Variants in PCNT observed in about 807,000 individuals in gnomAD.
PCNT encodes kendrin.
In PCNT, 319 loss-of-function variants were observed where a neutral mutation model predicts 380.4. The ratio of observed to expected loss-of-function variants is 0.84; its 90% CI spans 0.77 to 0.92. The LOEUF (loss-of-function observed/expected upper bound fraction) is 0.92, where lower values mean the gene tolerates loss of function less well. PCNT is among the 40% of genes least tolerant of loss of function. PCNT has a pLI of 0.00. For missense variants in PCNT, 4,400 were observed against 4,255.3 expected (o/e 1.03, Z -0.95); for synonymous variants, 1,845 against 1,735.2 (o/e 1.06, Z -1.57).
chr21:46,337,200 C>T (rs2083772969), intron 3 of PCNT, among the ~76,000 whole-genome samples: 1 of 152,112 alleles, frequency 6.6e-6, no homozygotes, highest in Admixed American at 6.6e-5. Flanking sequence ...TGGTCTCCAA[C>T]TCCTGACCTC....
In PCNT at chr21:46,411,583, A is replaced by C. The variant is rs1421013687; in HGVS notation, c.5510A>C (p.Glu1837Ala). The change falls in exon 28 of 47, where the codon GAG becomes GCG. Residue 1837 changes from glutamate (E) to alanine (A), a missense_variant. Glu to Ala is a moderately radical substitution (Grantham distance 107, BLOSUM62 -1). Coordinates refer to ENST00000359568, the MANE Select transcript of PCNT (RefSeq NM_006031.6). ...AEEAAELQLA[E>A]LERNVALREA... ...GAGGCTGCGGAGCTACAGCTGGCTG[A>C]GCTGGAGCGCAATGTAGCCCTCAGG... 6.2e-7 allele frequency: 1 copy of C among 1,612,920 alleles called. No individual in the cohort carries two copies. The highest frequency in any genetic ancestry group is 8.5e-7 in the Non-Finnish European group (1 of 1,179,816).
intron 15 of PCNT, among the ~76,000 whole-genome samples, chr21:46,367,453 G>A (rs747767049): frequency 2.6e-5 from 4 of 151,976 alleles, no homozygotes; most frequent in African/African-American, 4.8e-5. Flanking sequence ...GATTATAGGC[G>A]CCTGCCACCA....
At chr21:46,423,725 A>AGG (rs1260993133) in intron 32 of PCNT, among the ~76,000 whole-genome samples, 1 of 3,798 alleles carries the variant, frequency 2.6e-4, no homozygotes, top group African/African-American at 9.7e-4. Context: ...GAGGAAGAGA[A>AGG]GGGGAGGGGG....
At position 46,443,860 on chromosome 21, in the gene PCNT, C is replaced by G. The variant is rs201526605; in HGVS notation, c.9751C>G (p.Pro3251Ala). 1.7e-5 allele frequency: 28 copies of G among 1,613,428 alleles called. No homozygotes were observed. The highest frequency in any genetic ancestry group is 1.0e-4 in the Admixed American group (6 of 60,028). ...TCCACCCAGAACCAGAGAGTCCCCCCCAACCCGGGATGTACCCTCTGGCCA... is the reference window on the plus strand; with the variant it reads ...TCCACCCAGAACCAGAGAGTCCCCCGCAACCCGGGATGTACCCTCTGGCCA... ...QSPPRTRESP[P>A]TRDVPSGHTR... Residue 3251 changes from proline (P) to alanine (A), a missense_variant, in exon 45 of 47, where the codon CCA becomes GCA. By Grantham distance (27) the Pro-to-Ala change is conservative. Coordinates refer to ENST00000359568, the MANE Select transcript of PCNT (RefSeq NM_006031.6).
At chr21:46,389,622 A>G (rs183575831) in intron 19 of PCNT, among the ~76,000 whole-genome samples, 191 bp downstream of exon 19, 3 of 152,372 alleles carry the variant, frequency 2.0e-5, no homozygotes, top group African/African-American at 7.2e-5. Flanking sequence ...TTTAATTTGG[A>G]TAATAAACAG....
chr21:46,425,868 TC>T lies in PCNT; in HGVS notation c.7219del (p.Leu2407TrpfsTer124), dbSNP rs2087472987. The T allele has an allele frequency of 6.2e-7, 1 of 1,613,662 alleles. No individual in the cohort carries two copies. The highest frequency in any genetic ancestry group is 1.7e-5 in the Admixed American group (1 of 60,002). On this transcript the variant is annotated frameshift_variant, in exon 33 of 47. Coordinates refer to ENST00000359568, the MANE Select transcript of PCNT (RefSeq NM_006031.6). LOFTEE classifies it high-confidence loss of function. The surrounding 1 kb of genome is among the most constrained non-coding windows in gnomAD (Gnocchi z 4.2). ...ATGGTGCGTGACGAGAGCCACCAGA[TC>T]CTGGCGCTGTCAGAAGGCCTTGCAC... ...LQMVRDESHQILALSEGLAPP... is the reference protein window; with the variant it reads ...LQMVRDESHQXLALSEGLAPP...
Position 46,419,062 on chromosome 21 carries a change from C to CT in PCNT, c.7024+763dup, listed in dbSNP as rs534225775. On this transcript the variant is annotated intron_variant, in intron 31 of 46. Coordinates refer to ENST00000359568, the MANE Select transcript of PCNT (RefSeq NM_006031.6). ...TGTGGCGGTTACCTGCCACACCGTC[C>CT]TTTTTTTCATTTCATAACTTTTTCT... 3.1e-4 allele frequency among the ~76,000 whole-genome samples: 47 copies of CT among 152,282 alleles called. 2 individuals are homozygous for CT. In the South Asian group the frequency reaches 9.7e-3, roughly 32 times the overall value.
intron 27 of PCNT, among the ~76,000 whole-genome samples, chr21:46,409,698 T>G (rs1016828942): frequency 1.3e-4 from 20 of 152,076 alleles, no homozygotes; most frequent in African/African-American, 4.8e-4. Context: ...CTCCAGAGTT[T>G]AAGTGATTCT....
chr21:46,328,259 T>G (rs1332735543), intron 2 of PCNT, among the ~76,000 whole-genome samples: 1 of 45,548 alleles, frequency 2.2e-5, no homozygotes, highest in South Asian at 5.1e-4. Context: ...GGTGTGTTTT[T>G]TTTTTTTTTC....
intron 8 of PCNT, among the ~76,000 whole-genome samples, chr21:46,350,058 A>T (rs2146602954): frequency 6.6e-6 from 1 of 152,260 alleles, no homozygotes; most frequent in South Asian, 2.1e-4. Context: ...GGGCATCTGT[A>T]ATCCCAGCTA....
At chr21:46,346,499 A>C (rs1488474711) in intron 4 of PCNT, among the ~76,000 whole-genome samples, 1 of 152,184 alleles carries the variant, frequency 6.6e-6, no homozygotes, top group African/African-American at 2.4e-5. Flanking sequence ...CAGTGCCGTC[A>C]TACAGCGAGG....
At chr21:46,396,044 G>C (rs1437852506) in intron 21 of PCNT, among the ~76,000 whole-genome samples, 11 of 151,370 alleles carry the variant, frequency 7.3e-5, no homozygotes, top group Non-Finnish European at 1.5e-4. Flanking sequence ...GGAAATAATA[G>C]TAATAAAATA....
chr21:46,363,650 A>G lies in PCNT; in HGVS notation c.2325A>G (p.Arg775=). Residue 775 remains arginine, a synonymous_variant, in exon 14 of 47, where the codon AGA becomes AGG. Transcript: ENST00000359568. ...TAACATTGATGCTACTTGAACTGAG[A>G]GAAAAGGCTGAATCCGAGAAACAGA... ...EKLTLMLLEL[R]EKAESEKQTI... The G allele has an allele frequency of 1.2e-6, 2 of 1,614,230 alleles. No homozygotes were observed. The highest frequency in any genetic ancestry group is 1.7e-6 in the Non-Finnish European group (2 of 1,180,036).
chr21:46,391,495 G>T, intron 21 of PCNT, 119 bp downstream of exon 21: 1 of 811,092 alleles, frequency 1.2e-6, no homozygotes, highest in Non-Finnish European at 1.9e-6. Context: ...AAACCAGCAC[G>T]CAGCTTCTCC....
chr21:46,409,695 G>A (rs1601999249), intron 27 of PCNT, among the ~76,000 whole-genome samples: 1 of 152,200 alleles, frequency 6.6e-6, no homozygotes, highest in African/African-American at 2.4e-5. Flanking sequence ...TGCCTCCAGA[G>A]TTTAAGTGAT....
At chr21:46,371,185 G>A (rs2085111900) in intron 15 of PCNT, among the ~76,000 whole-genome samples, 1 of 150,848 alleles carries the variant, frequency 6.6e-6, no homozygotes, top group Admixed American at 6.6e-5. Context: ...AAAGAAATCT[G>A]CACACAGTAT....
chr21:46,356,055 C>T (rs760237211), intron 12 of PCNT, among the ~76,000 whole-genome samples: 9 of 152,176 alleles, frequency 5.9e-5, no homozygotes, highest in African/African-American at 1.7e-4. Flanking sequence ...AGGCAGGGCA[C>T]GGGGCACAGG....
intron 38 of PCNT, among the ~76,000 whole-genome samples, chr21:46,435,136 C>T (rs1408537960): frequency 3.3e-5 from 5 of 152,178 alleles, no homozygotes; most frequent in South Asian, 2.1e-4. Flanking sequence ...GCTGCCTGCC[C>T]GAGGGCCTGT....
In PCNT at chr21:46,402,413, A is replaced by G; in HGVS notation, c.5045A>G (p.Lys1682Arg). The G allele has an allele frequency of 6.2e-7, 1 of 1,613,926 alleles. No individual in the cohort carries two copies. Among genetic ancestry groups the G allele is most frequent in the Non-Finnish European group, 8.5e-7 (1 of 1,179,780 alleles). The change falls in exon 27 of 47, where the codon AAA (lysine) becomes AGA (arginine). Residue 1682 changes from lysine to arginine, a missense_variant. Lys to Arg is a conservative substitution (Grantham distance 26, BLOSUM62 2). Coordinates refer to ENST00000359568, the MANE Select transcript of PCNT (RefSeq NM_006031.6). ...KNEEILHLNLKLDMQNSQTAV... is the reference protein window; with the variant it reads ...KNEEILHLNLRLDMQNSQTAV... ...GAAGAAATACTACATCTGAACTTAAAATTGGACATGCAGAACAGCCAGACT... is the reference window on the plus strand; with the variant it reads ...GAAGAAATACTACATCTGAACTTAAGATTGGACATGCAGAACAGCCAGACT...
Sources: gnomAD v4.1 joint callset for allele counts (sites outside exome capture counted in the v4.1 genomes callset) on GRCh38, gnomAD v4.1.1 for gene constraint, Gnocchi (gnomAD v3.1) non-coding constraint, MANE v1.5 for transcripts, NCBI Gene and HGNC (gene_info 2026-07-23, HGNC 2026-07-21) for gene names.